The following WDR49 variants were observed in gnomAD, a reference collection of about 807,000 sequenced individuals.
WDR49 encodes the protein cilia- and flagella-associated protein 337.
WDR49 carries 107 observed loss-of-function variants against 119.5 expected under a neutral mutation model. The ratio of observed to expected loss-of-function variants is 0.90; its 90% CI spans 0.77 to 1.05. WDR49 has a LOEUF of 1.05. Ranked by LOEUF, WDR49 falls within the 50% of genes least tolerant of loss-of-function variation. The probability of loss-of-function intolerance (pLI) is 0.00; values close to 1 mark genes in which losing one functional copy is unlikely to be tolerated. For missense variants in WDR49, 1,240 were observed against 1,220.5 expected, an observed-to-expected ratio of 1.02 and a Z score of -0.24; for synonymous variants, 425 against 418.8, an observed-to-expected ratio of 1.01 and a Z score of -0.18.
intron 18 of WDR49, among the ~76,000 whole-genome samples, chr3:167,499,589 G>A (rs1751481103): frequency 6.6e-6 from 1 of 152,170 alleles, no homozygotes; most frequent in South Asian, 2.1e-4. Context: ...GAACTCTGAA[G>A]ACTATAATAG....
chr3:167,548,466 G>A lies in WDR49; in HGVS notation c.1823+6184C>T, dbSNP rs570160913. 1.6e-4 allele frequency among the ~76,000 whole-genome samples: 24 copies of A among 152,070 alleles called. No homozygotes were observed. In the South Asian group the frequency reaches 2.3e-3, roughly 14 times the overall value. On this transcript the variant is annotated intron_variant, in intron 10 of 18. Transcript: ENST00000682715. ...ACAAGGGGTAATCACTATATGAGTGGATTGCTGCAACTCTCCTGCAATGGG... is the reference window on the plus strand; with the variant it reads ...ACAAGGGGTAATCACTATATGAGTGAATTGCTGCAACTCTCCTGCAATGGG...
At chr3:167,510,846 C>T (rs1415706437) in intron 16 of WDR49, among the ~76,000 whole-genome samples, 1 of 149,260 alleles carries the variant, frequency 6.7e-6, no homozygotes, top group Non-Finnish European at 1.5e-5. Flanking sequence ...TCCTGTGCAC[C>T]AACCCCCATC....
At chr3:167,497,838 G>C (rs1751414564) in intron 18 of WDR49, among the ~76,000 whole-genome samples, 1 of 149,062 alleles carries the variant, frequency 6.7e-6, no homozygotes, top group Non-Finnish European at 1.5e-5. Flanking sequence ...TCTGTTTGTG[G>C]CTCACAAAGA....
chr3:167,540,487 G>A (rs60753685), intron 10 of WDR49, among the ~76,000 whole-genome samples: 5 of 152,098 alleles, frequency 3.3e-5, no homozygotes, highest in Non-Finnish European at 7.4e-5. Context: ...CTAGGGGAAG[G>A]GGAAGGGACA....
chr3:167,516,346 G>A (rs1752201681), intron 16 of WDR49, among the ~76,000 whole-genome samples: 2 of 148,826 alleles, frequency 1.3e-5, no homozygotes, highest in Non-Finnish European at 3.0e-5. Context: ...GAGAACATGT[G>A]GTGTTTGGTT....
At chr3:167,583,024 A>C (rs753521515) in intron 7 of WDR49, among the ~76,000 whole-genome samples, 9 of 152,058 alleles carry the variant, frequency 5.9e-5, no homozygotes, top group Non-Finnish European at 1.0e-4. Context: ...AGAGAAAAAC[A>C]AATTTGCAAT....
chr3:167,596,773 T>G (rs1715475389), intron 7 of WDR49, among the ~76,000 whole-genome samples: 2 of 148,570 alleles, frequency 1.3e-5, no homozygotes, highest in Non-Finnish European at 3.0e-5. Context: ...TAATGCTAGA[T>G]GATGAGCTAG....
chr3:167,487,043 A>T (rs1398197942), intron 18 of WDR49, among the ~76,000 whole-genome samples: 2 of 152,176 alleles, frequency 1.3e-5, no homozygotes, highest in South Asian at 4.1e-4. Context: ...TTCACATTGG[A>T]CCAAAAATAA....
At chr3:167,553,171 CA>C (rs1712677248) in intron 10 of WDR49, among the ~76,000 whole-genome samples, 1 of 151,880 alleles carries the variant, frequency 6.6e-6, no homozygotes. Flanking sequence ...TTAAATCCAC[CA>C]ATATAAAGTG....
intron 8 of WDR49, chr3:167,575,048 T>C (rs1714158741): frequency 2.0e-6 from 2 of 985,294 alleles, no homozygotes; most frequent in East Asian, 1.1e-4. Flanking sequence ...GTCATTTCTA[T>C]GTGAATGCAG....
intron 17 of WDR49, among the ~76,000 whole-genome samples, chr3:167,502,472 C>T (rs1389780115): frequency 6.6e-6 from 1 of 152,046 alleles, no homozygotes; most frequent in Admixed American, 6.5e-5. Context: ...ACTCAGAAGA[C>T]AGGAAGATGA....
At chr3:167,593,795 C>T (rs1715261023) in intron 7 of WDR49, among the ~76,000 whole-genome samples, 1 of 151,968 alleles carries the variant, frequency 6.6e-6, no homozygotes, top group Non-Finnish European at 1.5e-5. Flanking sequence ...AATTGTAATC[C>T]CCATGTGCTG....
intron 15 of WDR49, among the ~76,000 whole-genome samples, chr3:167,525,833 T>G (rs1752609235): frequency 7.1e-6 from 1 of 140,548 alleles, no homozygotes; most frequent in Non-Finnish European, 1.5e-5. Context: ...CTAATTTTTG[T>G]TTTTTTGTTA....
At chr3:167,482,196 A>G (rs766356908) in intron 18 of WDR49, among the ~76,000 whole-genome samples, 1 of 152,178 alleles carries the variant, frequency 6.6e-6, no homozygotes, top group Non-Finnish European at 1.5e-5. Context: ...TTTTATAGAA[A>G]TGACCAACAC....
intron 12 of WDR49, among the ~76,000 whole-genome samples, chr3:167,532,298 T>C (rs1000571443): frequency 1.3e-5 from 2 of 152,152 alleles, no homozygotes; most frequent in African/African-American, 4.8e-5. Context: ...AAGAAAAACC[T>C]TTAGTATCTA....
At chr3:167,569,405 G>A (rs2108278113) in intron 8 of WDR49, among the ~76,000 whole-genome samples, 1 of 152,160 alleles carries the variant, frequency 6.6e-6, no homozygotes, top group East Asian at 1.9e-4. Flanking sequence ...AAATAGGCTA[G>A]TACATACGTA....
intron 4 of WDR49, among the ~76,000 whole-genome samples, chr3:167,621,079 T>A (rs1211803795): frequency 6.6e-6 from 1 of 152,110 alleles, no homozygotes; most frequent in Non-Finnish European, 1.5e-5. Flanking sequence ...AGAAACCCAA[T>A]ACTCTATGTA....
intron 7 of WDR49, among the ~76,000 whole-genome samples, chr3:167,601,753 G>A (rs1233869228): frequency 6.6e-6 from 1 of 152,006 alleles, no homozygotes; most frequent in East Asian, 1.9e-4. Flanking sequence ...CAATATCAAA[G>A]CAATAATATT....
intron 15 of WDR49, among the ~76,000 whole-genome samples, chr3:167,526,163 A>G (rs1752622170): frequency 6.6e-6 from 1 of 152,170 alleles, no homozygotes; most frequent in Admixed American, 6.6e-5. Context: ...AAATAAAATT[A>G]TTCTCATGAG....
Sources: allele counts gnomAD v4.1 joint callset (sites outside exome capture counted in the v4.1 genomes callset), GRCh38; gene constraint gnomAD v4.1.1; transcripts MANE v1.5; gene names NCBI Gene and HGNC (gene_info 2026-07-23, HGNC 2026-07-21).